The following ZNF618 variants were observed in gnomAD, a reference collection of about 807,000 sequenced individuals.
ZNF618 encodes the protein neural precursor cell expressed, developmentally down-regulated 10.
ZNF618 carries 34 observed loss-of-function variants against 103.0 expected under a neutral mutation model. That is an observed-to-expected ratio of 0.33 (90% CI 0.25 to 0.44). The LOEUF is 0.44. Ranked by LOEUF, ZNF618 falls within the 20% of genes least tolerant of loss-of-function variation. The pLI, the probability that ZNF618 is intolerant of heterozygous loss-of-function variation, is 1.00. For missense variants in ZNF618, 1,059 were observed against 1,295.4 expected (o/e 0.82, Z 2.80); for synonymous variants, 551 against 542.2 (o/e 1.02, Z -0.23).
rs1844608896 is a variant in ZNF618, at chr9:114,036,382, G to A, written c.1246+5G>A. 2.5e-6 allele frequency: 4 copies of A among 1,570,888 alleles called. No individual in the cohort carries two copies. Among genetic ancestry groups the A allele is most frequent in the Non-Finnish European group, 3.5e-6 (4 of 1,157,388 alleles). ...AGCACATGCAGTCCCATGCAGGTAA[G>A]TAGGATACGGCTTCTCTCCCCCTCT... is the stretch of plus-strand genomic sequence containing the variant. On this transcript the variant is annotated splice_donor_5th_base_variant and intron_variant, in intron 13 of 14. Coordinates refer to ENST00000374126, the MANE Select transcript of ZNF618 (RefSeq NM_001318042.2).
rs1008731097 is a variant in ZNF618 at position 114,050,012 on chromosome 9, G to T, written c.2710G>T (p.Ala904Ser). 2 of 1,613,870 alleles carry T rather than the reference G, an allele frequency of 1.2e-6. No homozygotes were observed. Among genetic ancestry groups the T allele is most frequent in the Admixed American group, 1.7e-5 (1 of 60,022 alleles). The part of the protein sequence containing the change: ...SCVTQKHTKL[A>S]KLAFWLLAVP... ...CGTTACCCAAAAGCACACAAAACTC[G>T]CCAAGCTCGCCTTCTGGCTCCTGGC... Residue 904 changes from alanine to serine, a missense_variant, in exon 15 of 15, where the codon GCC (alanine) becomes TCC (serine). Ala to Ser is a moderately conservative substitution (Grantham distance 99, BLOSUM62 1). Around this residue, in one of 6 missense-constraint regions of ZNF618, gnomAD observed 156 missense variants for 197.1 expected, o/e 0.79. Coordinates refer to ENST00000374126, the MANE Select transcript of ZNF618 (RefSeq NM_001318042.2).
chr9:114,003,688 G>GT (rs1376399608), intron 6 of ZNF618, among the ~76,000 whole-genome samples: 1 of 152,202 alleles, frequency 6.6e-6, no homozygotes, highest in African/African-American at 2.4e-5. Context: ...CAGAAGAGCG[G>GT]TTCCCCTGGG....
chr9:113,934,131 A>G (rs1171584120), intron 1 of ZNF618, among the ~76,000 whole-genome samples: 2 of 152,130 alleles, frequency 1.3e-5, no homozygotes, highest in Non-Finnish European at 2.9e-5. Flanking sequence ...GACAGAAGTA[A>G]TGGCGGCAGG....
intron 1 of ZNF618, 109 bp downstream of exon 1, chr9:113,876,522 C>T (rs1269787802): frequency 1.1e-6 from 1 of 928,818 alleles, no homozygotes; most frequent in Non-Finnish European, 1.4e-6. Context: ...AGTGCCTGGG[C>T]ACGTTTGCGG....
At chr9:113,954,045 A>G (rs921390263) in intron 1 of ZNF618, among the ~76,000 whole-genome samples, 1 of 152,314 alleles carries the variant, frequency 6.6e-6, no homozygotes, top group South Asian at 2.1e-4. Context: ...TAGTTAAATG[A>G]AGCCTTTAGC....
chr9:114,013,548 A>C (rs909223318), intron 9 of ZNF618, among the ~76,000 whole-genome samples: 1 of 152,130 alleles, frequency 6.6e-6, no homozygotes, highest in African/African-American at 2.4e-5. Flanking sequence ...CTCCTGCCTC[A>C]GCCTCCCAAG....
In ZNF618 at chr9:113,985,299, C is replaced by G. The variant is rs190301666; in HGVS notation, c.78-3022C>G. ...GCCCATTTCACTCCAGCCAGGCCATCAGCCAGTCTGCTCCAGTGCTTCTCT... is the reference window on the plus strand; with the variant it reads ...GCCCATTTCACTCCAGCCAGGCCATGAGCCAGTCTGCTCCAGTGCTTCTCT... On this transcript the variant is annotated intron_variant, in intron 2 of 14. Transcript: ENST00000374126. 6.6e-5 allele frequency among the ~76,000 whole-genome samples: 10 copies of G among 152,364 alleles called. 1 individual carries two copies. The highest frequency in any genetic ancestry group is 6.5e-4 in the Admixed American group (10 of 15,310).
chr9:113,914,784 A>G (rs893532386), intron 1 of ZNF618, among the ~76,000 whole-genome samples: 1 of 152,206 alleles, frequency 6.6e-6, no homozygotes, highest in Non-Finnish European at 1.5e-5. Context: ...ATCAAACACC[A>G]TCTGGCCACA....
chr9:114,001,976 T>G lies in ZNF618; in HGVS notation c.434-20T>G. 1 of 1,611,964 alleles carries G rather than the reference T, an allele frequency of 6.2e-7. No homozygotes were observed. The highest frequency in any genetic ancestry group is 8.5e-7 in the Non-Finnish European group (1 of 1,178,060). ...GTCACAGAGGTTGGGTGACCAGTCC[T>G]TTCCTCTTCTGTTTTCCAGGGTCTT... On this transcript the variant is annotated intron_variant, in intron 4 of 14. Transcript: ENST00000374126.
intron 1 of ZNF618, among the ~76,000 whole-genome samples, chr9:113,931,085 A>G (rs1392595736): frequency 6.6e-6 from 1 of 152,248 alleles, no homozygotes; most frequent in Admixed American, 6.5e-5. Flanking sequence ...AAGACTGGAC[A>G]CAGGAATACA....
rs369516951 is a variant in ZNF618 at position 113,963,096 on chromosome 9, T to C, written c.34-6021T>C. 2.6e-5 allele frequency among the ~76,000 whole-genome samples: 4 copies of C among 152,306 alleles called. No homozygotes were observed. The South Asian group carries it at 8.3e-4, about 32-fold the overall frequency. ...CTGGCTTTTGGAAAGGAAATAGATA[T>C]ATAAATAAAGCTTGAGTTGTTTCAG... On this transcript the variant is annotated intron_variant, in intron 1 of 14. Coordinates refer to ENST00000374126, the MANE Select transcript of ZNF618 (RefSeq NM_001318042.2).
chr9:113,978,863 G>T (rs1167768303), intron 2 of ZNF618, among the ~76,000 whole-genome samples: 2 of 152,150 alleles, frequency 1.3e-5, no homozygotes, highest in Non-Finnish European at 2.9e-5. Flanking sequence ...AGATGGTGTA[G>T]GTGTGGGCCC....
In ZNF618 at chr9:114,028,887, C is replaced by T; in HGVS notation, c.999C>T (p.Thr333=). The change falls in exon 11 of 15, where the codon ACC becomes ACT. Residue 333 remains threonine (T), a synonymous_variant. Coordinates refer to ENST00000374126, the MANE Select transcript of ZNF618 (RefSeq NM_001318042.2). ...KAPASVVRCA[T]LLHRTPPATQ... Reference sequence around the variant, plus strand: ...CGGCCTCCGTGGTCCGATGTGCCACCCTCTTACACCGCACCCCTCCAGCCA... The same window carrying T: ...CGGCCTCCGTGGTCCGATGTGCCACTCTCTTACACCGCACCCCTCCAGCCA... The T allele has an allele frequency of 6.4e-7, 1 of 1,550,532 alleles. No individual in the cohort carries two copies. Among genetic ancestry groups the T allele is most frequent in the Non-Finnish European group, 8.7e-7 (1 of 1,146,770 alleles).
At chr9:113,876,545 C>A in intron 1 of ZNF618, 132 bp downstream of exon 1, 4 of 749,520 alleles carry the variant, frequency 5.3e-6, no homozygotes, top group Non-Finnish European at 6.9e-6. Flanking sequence ...TTTTTGTGGG[C>A]GCAATCGGGA....
intron 1 of ZNF618, among the ~76,000 whole-genome samples, chr9:113,920,064 C>T (rs1165577159): frequency 6.6e-6 from 1 of 152,128 alleles, no homozygotes; most frequent in African/African-American, 2.4e-5. Flanking sequence ...AATGTCAGGG[C>T]CTCTATAGCT....
At chr9:113,886,554 G>T (rs1001810068) in intron 1 of ZNF618, among the ~76,000 whole-genome samples, 1 of 152,158 alleles carries the variant, frequency 6.6e-6, no homozygotes, top group African/African-American at 2.4e-5. Flanking sequence ...GTTTATGTGG[G>T]TGTTTCTTAA....
At chr9:113,963,619 T>G (rs2132632652) in intron 1 of ZNF618, among the ~76,000 whole-genome samples, 1 of 152,330 alleles carries the variant, frequency 6.6e-6, no homozygotes, top group East Asian at 1.9e-4. Flanking sequence ...TTCCAAGAAC[T>G]ATCTGCTGAG....
At chr9:113,985,408 T>C (rs1221992970) in intron 2 of ZNF618, among the ~76,000 whole-genome samples, 5 of 152,250 alleles carry the variant, frequency 3.3e-5, no homozygotes, top group Non-Finnish European at 5.9e-5. Flanking sequence ...AAGCCACAGC[T>C]GTCCTCTTGT....
chr9:113,927,159 G>A (rs545962084), intron 1 of ZNF618, among the ~76,000 whole-genome samples: 1 of 152,272 alleles, frequency 6.6e-6, no homozygotes, highest in Admixed American at 6.5e-5. Context: ...GTTGTATCTA[G>A]TAGTAGGTAC....
Sources: gnomAD v4.1 joint callset for allele counts (sites outside exome capture counted in the v4.1 genomes callset) on GRCh38, gnomAD v4.1.1 for gene constraint, gnomAD v4.1.1 regional missense constraint, MANE v1.5 for transcripts, NCBI Gene and HGNC (gene_info 2026-07-23, HGNC 2026-07-21) for gene names.